PEX5: variants seen among roughly 807,000 people sequenced by gnomAD.
PEX5 encodes peroxisomal biogenesis factor 5, also known as PTS1 receptor.
Under a neutral mutation model 82.9 loss-of-function variants are expected in PEX5, and 52 were observed. The observed-to-expected ratio is 0.63, with a 90% CI of 0.50 to 0.79. The LOEUF is 0.79. Ranked by LOEUF, PEX5 falls within the 30% of genes least tolerant of loss-of-function variation. The probability of loss-of-function intolerance (pLI) is 0.00; values close to 1 mark genes in which losing one functional copy is unlikely to be tolerated. For missense variants in PEX5, 719 were observed against 815.2 expected (o/e 0.88, Z 1.44); for synonymous variants, 300 against 318.8 (o/e 0.94, Z 0.63).
At chr12:7,208,897 A>G in intron 13 of PEX5, 108 bp from the exon 14 acceptor site, 2 of 1,066,546 alleles carry the variant, frequency 1.9e-6, no homozygotes, top group South Asian at 2.5e-5. Flanking sequence ...GATGACTGAT[A>G]GATTGATGAA....
At chr12:7,191,925 A>C (rs932111223) in intron 5 of PEX5, among the ~76,000 whole-genome samples, 1 of 152,216 alleles carries the variant, frequency 6.6e-6, no homozygotes, top group Non-Finnish European at 1.5e-5. Context: ...AGAGAGAACG[A>C]AGAGTTTGGT....
At chr12:7,197,278 T>C (rs756160205) in intron 5 of PEX5, among the ~76,000 whole-genome samples, 8 of 123,980 alleles carry the variant, frequency 6.5e-5, no homozygotes, top group African/African-American at 2.3e-4. Flanking sequence ...ATGTCATATA[T>C]AATGTAATAA....
At chr12:7,195,609 TTC>T (rs1284106154) in intron 5 of PEX5, among the ~76,000 whole-genome samples, 9 of 151,298 alleles carry the variant, frequency 5.9e-5, no homozygotes, top group African/African-American at 1.5e-4. Flanking sequence ...TTTGTGTTTT[TTC>T]TGTTTTTTTT....
Position 7,216,562 on chromosome 12 carries a change from T to TC in PEX5, c.*20-1839dup, listed in dbSNP as rs1362178757. Among the ~76,000 whole-genome samples the TC allele has an allele frequency of 3.0e-5, 4 of 133,562 alleles. No homozygotes were observed. The Admixed American group carries it at 3.6e-4, about 12-fold the overall frequency. The allele number at this position is 133,562 out of a possible 152,430, so 87.6% of individuals were successfully genotyped here. A position where few individuals can be genotyped will look rare whatever the true frequency, so the allele number is the denominator to read the frequency against. On this transcript the variant is annotated intron_variant, in intron 17 of 17. Transcript: ENST00000455147. ...TTGAATTATCATATTTATTTTACGA[T>TC]CATAACTTCTATTTTTTGTTTTTAA...
chr12:7,191,191 C>G (rs760044507), intron 3 of PEX5, 35 bp from the exon 4 acceptor site: 6 of 1,613,942 alleles, frequency 3.7e-6, no homozygotes, highest in Non-Finnish European at 5.1e-6. Flanking sequence ...GCCTCCCAAG[C>G]CTATGGGTTC....
intron 5 of PEX5, 144 bp downstream of exon 5, chr12:7,191,844 C>T: frequency 1.3e-6 from 1 of 772,024 alleles, no homozygotes. Flanking sequence ...CTCAATTTCC[C>T]TTAGGTGATA....
In PEX5 at chr12:7,211,272, A is replaced by T. The variant is rs891929564; in HGVS notation, c.*1049A>T. ...TGGATTCTTCTCAGTTGTCCCCTGCATGGGGAGATACACTAACCCCCAGAA... is the reference window on the plus strand; with the variant it reads ...TGGATTCTTCTCAGTTGTCCCCTGCTTGGGGAGATACACTAACCCCCAGAA... On this transcript the variant is annotated 3_prime_UTR_variant, in exon 16 of 16. Transcript: ENST00000675855. 1 of 152,510 alleles carries T rather than the reference A, an allele frequency of 6.6e-6. No individual in the cohort carries two copies. Among genetic ancestry groups the T allele is most frequent in the African/African-American group, 2.4e-5 (1 of 41,422 alleles). The allele number at this position is 152,510 out of a possible 1,614,324, so 9.4% of individuals were successfully genotyped here.
Position 7,191,592 on chromosome 12 carries a change from T to C in PEX5, c.340T>C (p.Leu114=), listed in dbSNP as rs1941135793. 1.2e-6 allele frequency: 2 copies of C among 1,613,904 alleles called. No individual in the cohort carries two copies. Among genetic ancestry groups the C allele is most frequent in the African/African-American group, 1.3e-5 (1 of 74,916 alleles). ...QRAPGVADLA[L]SENWAQEFLA... ...AGCCCCTGGTGTGGCAGACTTGGCCTTGTCTGAGAACTGGGCCCAGGAGTT... is the reference window on the plus strand; with the variant it reads ...AGCCCCTGGTGTGGCAGACTTGGCCCTGTCTGAGAACTGGGCCCAGGAGTT... Residue 114 remains leucine (L), a synonymous_variant, in exon 5 of 16, where the codon TTG becomes CTG. Transcript: ENST00000675855.
chr12:7,204,029 G>T (rs908295460), intron 10 of PEX5, among the ~76,000 whole-genome samples: 1 of 152,172 alleles, frequency 6.6e-6, no homozygotes. Flanking sequence ...GGTTTTCAAA[G>T]AATTTATATT....
intron 5 of PEX5, among the ~76,000 whole-genome samples, chr12:7,196,376 GTAA>G (rs1398907503): frequency 1.4e-4 from 19 of 135,572 alleles, no homozygotes; most frequent in African/African-American, 4.7e-4. Context: ...CATATATAAT[GTAA>G]TAATTATGTG....
downstream of PEX5, chr12:7,212,719 A>G (rs1317764639): frequency 6.6e-6 from 1 of 152,234 alleles, no homozygotes; most frequent in African/African-American, 2.4e-5. Context: ...TGGGGAGATC[A>G]TACTTCTCTG....
At chr12:7,197,265 T>TATGTC (rs1184925497) in intron 5 of PEX5, among the ~76,000 whole-genome samples, 3 of 77,982 alleles carry the variant, frequency 3.8e-5, no homozygotes, top group African/African-American at 2.2e-4. Context: ...GTAATAATTA[T>TATGTC]ATATGTCATA....
rs1945428271 is a variant in PEX5, at chr12:7,210,421, T to C, written c.*198T>C. 19 of 638,734 alleles carry C rather than the reference T, an allele frequency of 3.0e-5. 2 individuals carry two copies. The South Asian group carries it at 3.4e-4, about 11-fold the overall frequency. The allele number at this position is 638,734 out of a possible 1,614,324, so 39.6% of individuals were successfully genotyped here. On this transcript the variant is annotated 3_prime_UTR_variant, in exon 16 of 16. Coordinates refer to ENST00000675855, the MANE Select transcript of PEX5 (RefSeq NM_001351132.2). ...AATTGTAGGAAAATGAGCTGTGTCA[T>C]CTCTGAGTCCCTTGGTAATTCAAGG...
chr12:7,190,241 G>T, intron 1 of PEX5, 121 bp from the exon 2 acceptor site: 1 of 1,591,380 alleles, frequency 6.3e-7, no homozygotes, highest in Non-Finnish European at 8.5e-7. Flanking sequence ...AAAAGCACTG[G>T]GGTGGAGGGC....
intron 2 of PEX5, 74 bp from the exon 3 acceptor site, chr12:7,190,814 G>A: frequency 7.0e-7 from 1 of 1,426,566 alleles, no homozygotes; most frequent in Non-Finnish European, 9.9e-7. Flanking sequence ...CCGAGGCTCA[G>A]ATGCCTATGG....
At position 7,201,230 on chromosome 12, in the gene PEX5, T is replaced by C. The variant is rs139609771; in HGVS notation, c.552-521T>C. On this transcript the variant is annotated intron_variant, in intron 6 of 15. Coordinates refer to ENST00000675855, the MANE Select transcript of PEX5 (RefSeq NM_001351132.2). ...GTGCACATACATGTATATACACACGTATACATATGTAAACATGTAGATACA... is the reference window on the plus strand; with the variant it reads ...GTGCACATACATGTATATACACACGCATACATATGTAAACATGTAGATACA... Among the ~76,000 whole-genome samples, 373 of 151,042 alleles carry C rather than the reference T, an allele frequency of 2.5e-3. 2 individuals carry two copies. The highest frequency in any genetic ancestry group is 8.5e-3 in the African/African-American group (352 of 41,268).
At chr12:7,189,974 G>A in intron 1 of PEX5, 2 of 1,498,872 alleles carry the variant, frequency 1.3e-6, no homozygotes, top group Admixed American at 5.4e-5. Context: ...GGGCTGCGCG[G>A]GGCTAGGTAT....
rs1941054422 is a variant in PEX5, at chr12:7,191,267, G to A, written c.225G>A (p.Val75=). The change falls in exon 4 of 16, where the codon GTG becomes GTA. Residue 75 remains valine (V), a synonymous_variant. Coordinates refer to ENST00000675855, the MANE Select transcript of PEX5 (RefSeq NM_001351132.2). ...TGCAGGACCAGAATGCACCCCTTGT[G>A]TCCCGTGCCCCTCAGACCTTCAAGA... ...EFLQDQNAPL[V]SRAPQTFKMD... 6.2e-7 allele frequency: 1 copy of A among 1,614,026 alleles called. No homozygotes were observed. The highest frequency in any genetic ancestry group is 8.5e-7 in the Non-Finnish European group (1 of 1,180,010).
At position 7,210,009 on chromosome 12, in the gene PEX5, T is replaced by C. The variant is rs1441424289; in HGVS notation, c.1719-13T>C. ...TTCAGCTTAACAGCTCTCATTCCTC[T>C]TCTTCCTTACAGGGAGGCTGTGGAG... On this transcript the variant is annotated splice_polypyrimidine_tract_variant and intron_variant, in intron 15 of 15. Coordinates refer to ENST00000675855, the MANE Select transcript of PEX5 (RefSeq NM_001351132.2). 3 of 1,614,012 alleles carry C rather than the reference T, an allele frequency of 1.9e-6. No individual in the cohort carries two copies. The highest frequency in any genetic ancestry group is 2.5e-6 in the Non-Finnish European group (3 of 1,179,878).
Sources: allele counts gnomAD v4.1 joint callset (sites outside exome capture counted in the v4.1 genomes callset), GRCh38; gene constraint gnomAD v4.1.1; transcripts MANE v1.5; gene names NCBI Gene and HGNC (gene_info 2026-07-23, HGNC 2026-07-21).